PCDH15: variants seen among roughly 807,000 people sequenced by gnomAD.
The protein encoded by PCDH15 is protocadherin-15.
In PCDH15, 129 loss-of-function variants were observed where a neutral mutation model predicts 178.5. The ratio of observed to expected loss-of-function variants is 0.72; its 90% confidence interval spans 0.63 to 0.84. PCDH15 has a LOEUF of 0.84. PCDH15 is among the 40% of genes least tolerant of loss of function. The pLI is 0.00. For missense variants in PCDH15, 2,230 were observed against 2,099.9 expected, an observed-to-expected ratio of 1.06 and a Z score of -1.21; for synonymous variants, 800 against 732.0, an observed-to-expected ratio of 1.09 and a Z score of -1.50.
At position 53,804,793 on chromosome 10, in the gene PCDH15, T is replaced by A. The variant is rs1208035527; in HGVS notation, c.*1786A>T. 6.6e-6 allele frequency: 1 copy of A among 152,042 alleles called. No homozygotes were observed. Among genetic ancestry groups the A allele is most frequent in the Non-Finnish European group, 1.5e-5 (1 of 67,944 alleles). 9.4% of individuals were successfully genotyped at this position (152,042 alleles called of 1,614,324 possible). ...GTGCCTGAAGGAATAAGCCCCGGACTTCATTGCTTCCAAAATTTAATGTGC... is the reference window on the plus strand; with the variant it reads ...GTGCCTGAAGGAATAAGCCCCGGACATCATTGCTTCCAAAATTTAATGTGC... On this transcript the variant is annotated 3_prime_UTR_variant, in exon 38 of 38. Transcript: ENST00000644397.
At chr10:53,838,851 C>T (rs1226170611) in intron 29 of PCDH15, among the ~76,000 whole-genome samples, 1 of 152,012 alleles carries the variant, frequency 6.6e-6, no homozygotes, top group Admixed American at 6.6e-5. Context: ...TTACTTCATT[C>T]ATCTATATTT....
At chr10:55,496,925 G>C (rs1416066553) in intron 2 of PCDH15, among the ~76,000 whole-genome samples, 1 of 151,838 alleles carries the variant, frequency 6.6e-6, no homozygotes, top group Non-Finnish European at 1.5e-5. Flanking sequence ...ATTGATTTTA[G>C]TAAGCTAATT....
chr10:54,286,401 T>C (rs1422881264), intron 8 of PCDH15, among the ~76,000 whole-genome samples: 1 of 152,086 alleles, frequency 6.6e-6, no homozygotes, highest in Non-Finnish European at 1.5e-5. Flanking sequence ...CCTAGACACC[T>C]GATTTTTTTT....
intron 6 of PCDH15, among the ~76,000 whole-genome samples, chr10:54,341,642 AAC>A (rs1942254307): frequency 6.6e-6 from 1 of 152,194 alleles, no homozygotes; most frequent in Non-Finnish European, 1.5e-5. Context: ...CAGAGGTTGG[AAC>A]AGTTTGGAGG....
At chr10:55,146,477 C>G (rs1451894375) in intron 2 of PCDH15, among the ~76,000 whole-genome samples, 1 of 151,920 alleles carries the variant, frequency 6.6e-6, no homozygotes, top group Non-Finnish European at 1.5e-5. Flanking sequence ...GCAGCCTACG[C>G]TTAGTTGTCT....
intron 3 of PCDH15, among the ~76,000 whole-genome samples, chr10:54,845,704 T>C (rs1057006273): frequency 7.9e-5 from 12 of 152,066 alleles, no homozygotes; most frequent in East Asian, 3.8e-4. Context: ...TTACATTCAG[T>C]TGGACATAGC....
intron 2 of PCDH15, among the ~76,000 whole-genome samples, chr10:55,070,272 G>C (rs566077334): frequency 7.4e-4 from 112 of 151,948 alleles, no homozygotes; most frequent in African/African-American, 2.1e-3. Flanking sequence ...TGCAGAAGCT[G>C]TTTAGTTTAA....
intron 2 of PCDH15, among the ~76,000 whole-genome samples, chr10:54,978,624 T>C (rs568134990): frequency 7.2e-4 from 110 of 152,214 alleles, no homozygotes; most frequent in African/African-American, 2.5e-3. Context: ...TATCTCTCTG[T>C]TTTCCAAGAA....
intron 1 of PCDH15, among the ~76,000 whole-genome samples, chr10:55,188,676 C>T (rs562145023): frequency 2.0e-5 from 3 of 151,866 alleles, no homozygotes; most frequent in East Asian, 1.9e-4. Flanking sequence ...TTTACAGTAT[C>T]CTTTTTTTAA....
intron 8 of PCDH15, among the ~76,000 whole-genome samples, chr10:54,243,077 C>A (rs2131939620): frequency 6.6e-6 from 1 of 152,206 alleles, no homozygotes; most frequent in Non-Finnish European, 1.5e-5. Flanking sequence ...TAATTTAATA[C>A]CTAAGTTATT....
chr10:54,926,173 T>A (rs1591787916), intron 2 of PCDH15, among the ~76,000 whole-genome samples: 1 of 152,172 alleles, frequency 6.6e-6, no homozygotes, highest in African/African-American at 2.4e-5. Context: ...TTGAATTTCA[T>A]CCAAAGGCAT....
intron 23 of PCDH15, among the ~76,000 whole-genome samples, chr10:53,949,394 A>C (rs1486693815): frequency 1.3e-5 from 2 of 152,264 alleles, no homozygotes. Flanking sequence ...CATTTGTTTT[A>C]CATTATTTTA....
At chr10:55,010,815 T>A (rs1840030591) in intron 2 of PCDH15, among the ~76,000 whole-genome samples, 1 of 152,054 alleles carries the variant, frequency 6.6e-6, no homozygotes, top group South Asian at 2.1e-4. Flanking sequence ...AAAAAGGTAT[T>A]TATATCACAA....
chr10:54,043,076 T>C (rs1292028582), intron 18 of PCDH15, among the ~76,000 whole-genome samples: 2 of 152,108 alleles, frequency 1.3e-5, no homozygotes, highest in Non-Finnish European at 2.9e-5. Context: ...ATTTGAAGCC[T>C]TCACCTGAGA....
In PCDH15 at chr10:54,034,849, A is replaced by G. The variant is rs546766006; in HGVS notation, c.2221-11652T>C. 1.4e-4 allele frequency among the ~76,000 whole-genome samples: 22 copies of G among 152,008 alleles called. No homozygotes were observed. The South Asian group carries it at 4.6e-3, about 31-fold the overall frequency. On this transcript the variant is annotated intron_variant, in intron 18 of 37. Coordinates refer to ENST00000644397, the MANE Select transcript of PCDH15 (RefSeq NM_001384140.1). ...AGTTTGTTTTCTTTAATTGTGGTGT[A>G]AACAGTACTGCTGCTTACCTTAATA...
intron 2 of PCDH15, among the ~76,000 whole-genome samples, chr10:54,602,067 A>G (rs917993467): frequency 1.3e-5 from 2 of 151,830 alleles, no homozygotes; most frequent in Non-Finnish European, 1.5e-5. Flanking sequence ...AACATTCTGA[A>G]TATCAAACCC....
At chr10:55,194,653 C>T (rs1302322491) in intron 1 of PCDH15, among the ~76,000 whole-genome samples, 2 of 151,814 alleles carry the variant, frequency 1.3e-5, no homozygotes, top group Non-Finnish European at 2.9e-5. Context: ...AAGACATATA[C>T]CCAGGAAAAA....
At chr10:54,571,000 G>T (rs1432598541) in intron 2 of PCDH15, among the ~76,000 whole-genome samples, 1 of 151,814 alleles carries the variant, frequency 6.6e-6, no homozygotes, top group African/African-American at 2.4e-5. Flanking sequence ...CCCTGATGAT[G>T]AATTCTTAGG....
Position 54,801,140 on chromosome 10 carries a change from A to T in PCDH15, c.-244T>A, listed in dbSNP as rs147175457. 224 of 152,258 alleles carry T rather than the reference A, an allele frequency of 1.5e-3. 3 individuals carry two copies. Among genetic ancestry groups the T allele is most frequent in the African/African-American group, 5.0e-3 (209 of 41,560 alleles). The allele number at this position is 152,258 out of a possible 1,614,324, so 9.4% of individuals were successfully genotyped here. A position where few individuals can be genotyped will look rare whatever the true frequency, so the allele number is the denominator to read the frequency against. ...TACTAGGAAAATTTTTAGAAAAGCA[A>T]AACAGTTCAACATGTTAACTCAGAA... is the stretch of plus-strand genomic sequence containing the variant. On this transcript the variant is annotated 5_prime_UTR_variant, in exon 1 of 38. It adds an upstream start codon to the 5' untranslated region. Coordinates refer to ENST00000644397, the MANE Select transcript of PCDH15 (RefSeq NM_001384140.1).
Sources: gnomAD v4.1 joint callset for allele counts (sites outside exome capture counted in the v4.1 genomes callset) on GRCh38, gnomAD v4.1.1 for gene constraint, MANE v1.5 for transcripts, NCBI Gene and HGNC (gene_info 2026-07-23, HGNC 2026-07-21) for gene names.